Variants in FHIT observed in about 807,000 individuals in gnomAD.
The protein encoded by FHIT is fragile histidine triad diadenosine triphosphatase.
In FHIT, 19 loss-of-function variants were observed where a neutral mutation model predicts 17.9. The observed-to-expected ratio is 1.06, with a 90% confidence interval of 0.74 to 1.56. The LOEUF (loss-of-function observed/expected upper bound fraction) is 1.56. Among genes scored for constraint, FHIT ranks in the 40% most tolerant of loss-of-function variants. The pLI, the probability that FHIT is intolerant of heterozygous loss-of-function variation, is 0.00. For synonymous variants in FHIT, 81 were observed against 69.7 expected (o/e 1.16, Z -0.81); for missense variants, 248 against 189.2 (o/e 1.31, Z -1.82).
intron 8 of FHIT, among the ~76,000 whole-genome samples, chr3:59,821,678 C>A (rs1300115193): frequency 2.0e-5 from 3 of 152,180 alleles, no homozygotes; most frequent in Non-Finnish European, 4.4e-5. Flanking sequence ...GATGCCCCAC[C>A]ATGTGCCAGC....
chr3:60,114,072 T>TATATATATAAAA (rs1292373651), intron 5 of FHIT, among the ~76,000 whole-genome samples: 1 of 82,360 alleles, frequency 1.2e-5, no homozygotes. Flanking sequence ...TATATATATA[T>TATATATATAAAA]AATGTTATAT....
intron 5 of FHIT, among the ~76,000 whole-genome samples, chr3:60,132,828 C>G (rs1699650560): frequency 6.6e-6 from 1 of 152,044 alleles, no homozygotes; most frequent in African/African-American, 2.4e-5. Flanking sequence ...TAGTAGAAAA[C>G]TTTTTTAAAA....
intron 5 of FHIT, among the ~76,000 whole-genome samples, chr3:60,149,584 C>T (rs978772792): frequency 1.3e-4 from 20 of 152,030 alleles, no homozygotes; most frequent in African/African-American, 3.1e-4. Context: ...GAAGGTGCTG[C>T]GGTGCCATCA....
At chr3:61,191,051 C>G (rs1343002817) in intron 2 of FHIT, among the ~76,000 whole-genome samples, 1 of 151,168 alleles carries the variant, frequency 6.6e-6, no homozygotes, top group Admixed American at 6.6e-5. Context: ...CTGCACATTG[C>G]GTACATGTAC....
chr3:61,154,428 A>C (rs869268892), intron 2 of FHIT, among the ~76,000 whole-genome samples: 2 of 152,066 alleles, frequency 1.3e-5, no homozygotes, highest in African/African-American at 2.4e-5. Context: ...CAATTTTAAA[A>C]ATATATAAAG....
At chr3:59,975,634 G>A (rs1461816337) in intron 7 of FHIT, among the ~76,000 whole-genome samples, 1 of 151,988 alleles carries the variant, frequency 6.6e-6, no homozygotes, top group Non-Finnish European at 1.5e-5. Context: ...AAACATTAGA[G>A]AAAGAGAGCA....
At chr3:60,635,192 C>T (rs1249322748) in intron 4 of FHIT, among the ~76,000 whole-genome samples, 3 of 152,164 alleles carry the variant, frequency 2.0e-5, no homozygotes, top group African/African-American at 7.2e-5. Context: ...TTGTTAGAGT[C>T]AGAAATATAA....
Position 60,861,863 on chromosome 3 carries a change from T to C in FHIT, c.-110-39852A>G, listed in dbSNP as rs145851839. On this transcript the variant is annotated intron_variant, in intron 3 of 9. Coordinates refer to ENST00000492590, the MANE Select transcript of FHIT (RefSeq NM_002012.4). The stretch of plus-strand genomic sequence containing the variant: ...TACTAGGGAGGCTGAGGCAGGAGAA[T>C]GGCGTGAACCCGTGAGGTGGAGCTT... Among the ~76,000 whole-genome samples the C allele has an allele frequency of 8.1e-3, 1,188 of 147,242 alleles. 11 individuals carry two copies. The highest frequency in any genetic ancestry group is 0.029 in the African/African-American group (1,139 of 39,616).
chr3:60,519,904 A>G (rs1312790639), intron 5 of FHIT, among the ~76,000 whole-genome samples: 2 of 152,170 alleles, frequency 1.3e-5, no homozygotes, highest in East Asian at 3.9e-4. Flanking sequence ...TACTGGAGTG[A>G]CCATCAGCTC....
At chr3:61,088,882 G>C (rs185340889) in intron 2 of FHIT, among the ~76,000 whole-genome samples, 3 of 152,130 alleles carry the variant, frequency 2.0e-5, no homozygotes, top group African/African-American at 7.2e-5. Flanking sequence ...GGAAAAAACC[G>C]AAATAAGTAG....
intron 8 of FHIT, among the ~76,000 whole-genome samples, chr3:59,793,247 A>G (rs1699642371): frequency 6.6e-6 from 1 of 152,118 alleles, no homozygotes. Context: ...ATTAATGACT[A>G]CCTATTGTAG....
At chr3:60,445,481 GAA>G (rs35514185) in intron 5 of FHIT, among the ~76,000 whole-genome samples, 2 of 147,314 alleles carry the variant, frequency 1.4e-5, no homozygotes, top group African/African-American at 2.5e-5. Context: ...AGAAGAAGAA[GAA>G]AAAAAAAAGA....
intron 5 of FHIT, among the ~76,000 whole-genome samples, chr3:60,454,384 C>CTT (rs111674048): frequency 1.7e-4 from 25 of 144,152 alleles, no homozygotes; most frequent in Middle Eastern, 7.2e-3. Context: ...TTTAACCAAA[C>CTT]TTTTTTTTTT....
intron 4 of FHIT, among the ~76,000 whole-genome samples, chr3:60,746,104 T>G (rs2042350518): frequency 6.6e-6 from 1 of 152,242 alleles, no homozygotes; most frequent in South Asian, 2.1e-4. Flanking sequence ...ATATTTTGGT[T>G]AATCAAAACT....
At chr3:60,124,708 C>T (rs994662558) in intron 5 of FHIT, among the ~76,000 whole-genome samples, 2 of 152,190 alleles carry the variant, frequency 1.3e-5, no homozygotes, top group Non-Finnish European at 2.9e-5. Context: ...TTAGGTTATA[C>T]TCCTTAGCTA....
intron 3 of FHIT, among the ~76,000 whole-genome samples, chr3:60,845,987 G>T (rs1312901135): frequency 6.6e-6 from 1 of 152,180 alleles, no homozygotes; most frequent in Non-Finnish European, 1.5e-5. Context: ...CTTGTAACTT[G>T]TATGATAAGC....
intron 5 of FHIT, among the ~76,000 whole-genome samples, chr3:60,167,077 C>T (rs1701208571): frequency 6.6e-6 from 1 of 152,136 alleles, no homozygotes; most frequent in Admixed American, 6.5e-5. Context: ...ATGAAGGAGT[C>T]TTCACTTTCA....
intron 5 of FHIT, among the ~76,000 whole-genome samples, chr3:60,400,062 G>A (rs1048329605): frequency 2.6e-5 from 4 of 152,186 alleles, no homozygotes; most frequent in African/African-American, 9.6e-5. Flanking sequence ...GCTCTATGGG[G>A]ATGGCAGTAC....
intron 4 of FHIT, among the ~76,000 whole-genome samples, chr3:60,671,241 G>T (rs986687): frequency 0.92 from 139,605 of 152,156 alleles, 64,101 homozygotes; most frequent in Non-Finnish European, 0.94. Context: ...TGTTTTCAGG[G>T]AACCTAAACA....
Sources: allele counts gnomAD v4.1 joint callset (sites outside exome capture counted in the v4.1 genomes callset), GRCh38; gene constraint gnomAD v4.1.1; transcripts MANE v1.5; gene names NCBI Gene and HGNC (gene_info 2026-07-23, HGNC 2026-07-21).